Variants in CDH18 observed in about 807,000 individuals in gnomAD.
CDH18 encodes the protein cadherin 18, also known as cadherin-18.
In CDH18, 31 loss-of-function variants were observed where a neutral mutation model predicts 67.9. The ratio of observed to expected loss-of-function variants is 0.46; its 90% CI spans 0.34 to 0.62. The LOEUF (loss-of-function observed/expected upper bound fraction) is 0.62. CDH18 is among the 20% of genes least tolerant of loss of function. CDH18 has a pLI of 0.01. For missense variants in CDH18, 890 were observed against 975.5 expected, an observed-to-expected ratio of 0.91 and a Z score of 1.17; for synonymous variants, 362 against 347.2, an observed-to-expected ratio of 1.04 and a Z score of -0.48.
At chr5:20,118,628 A>C (rs1456986548) in intron 2 of CDH18, among the ~76,000 whole-genome samples, 1 of 152,170 alleles carries the variant, frequency 6.6e-6, no homozygotes, top group Non-Finnish European at 1.5e-5. Flanking sequence ...ATATTAATTA[A>C]GGCATAGTTC....
chr5:19,476,783 C>G (rs912470460), intron 12 of CDH18, among the ~76,000 whole-genome samples: 1 of 151,972 alleles, frequency 6.6e-6, no homozygotes, highest in Non-Finnish European at 1.5e-5. Context: ...TGTGCAGACA[C>G]AACAGGGAAT....
intron 2 of CDH18, among the ~76,000 whole-genome samples, chr5:19,894,469 G>A (rs1267246843): frequency 6.6e-6 from 1 of 151,704 alleles, no homozygotes; most frequent in Non-Finnish European, 1.5e-5. Flanking sequence ...AAGTCACTAG[G>A]ATTAAGTAAA....
At chr5:19,598,941 AACT>A (rs1746610759) in intron 6 of CDH18, among the ~76,000 whole-genome samples, 1 of 152,180 alleles carries the variant, frequency 6.6e-6, no homozygotes, top group Admixed American at 6.5e-5. Context: ...GGTTATTTAT[AACT>A]ATGCACTAAT....
At chr5:20,470,811 C>T (rs1387572758) in intron 1 of CDH18, among the ~76,000 whole-genome samples, 1 of 152,190 alleles carries the variant, frequency 6.6e-6, no homozygotes, top group African/African-American at 2.4e-5. Flanking sequence ...CCGGACTTAG[C>T]ACTGTATGCG....
At position 19,790,570 on chromosome 5, in the gene CDH18, A is replaced by G. The variant is rs555217088; in HGVS notation, c.229-43334T>C. On this transcript the variant is annotated intron_variant, in intron 3 of 12. Coordinates refer to ENST00000382275, the MANE Select transcript of CDH18 (RefSeq NM_004934.5). ...AGTGTCTATGAGAAGAGATAAAGAG[A>G]AAGTAGAGCTGTAAAAGCTAAAAGG... 9.3e-4 allele frequency among the ~76,000 whole-genome samples: 141 copies of G among 152,268 alleles called. 1 individual carries two copies. Among genetic ancestry groups the G allele is most frequent in the African/African-American group, 3.1e-3 (129 of 41,568 alleles).
At chr5:20,023,928 T>A (rs192649966) in intron 2 of CDH18, among the ~76,000 whole-genome samples, 205 of 152,280 alleles carry the variant, frequency 1.3e-3, no homozygotes, top group African/African-American at 4.6e-3. Context: ...AGTTTCCTGT[T>A]GGTGTACTGA....
intron 1 of CDH18, among the ~76,000 whole-genome samples, chr5:20,530,900 A>T (rs1002679630): frequency 5.9e-5 from 9 of 152,114 alleles, no homozygotes; most frequent in African/African-American, 1.2e-4. Context: ...ATCTAATTAA[A>T]CTAAAGAGCT....
intron 2 of CDH18, among the ~76,000 whole-genome samples, chr5:20,078,646 G>C (rs879487934): frequency 1.3e-5 from 2 of 151,810 alleles, no homozygotes; most frequent in African/African-American, 2.4e-5. Context: ...TGTCACCCAG[G>C]CTGGAGTGCG....
intron 3 of CDH18, among the ~76,000 whole-genome samples, chr5:19,767,966 T>C (rs1008487151): frequency 3.3e-5 from 5 of 152,158 alleles, no homozygotes; most frequent in Admixed American, 6.6e-5. Context: ...CTTTGAGTTA[T>C]GTTAATTTGC....
At chr5:20,233,607 C>T (rs931024996) in intron 2 of CDH18, among the ~76,000 whole-genome samples, 10 of 151,760 alleles carry the variant, frequency 6.6e-5, no homozygotes, top group African/African-American at 1.5e-4. Flanking sequence ...TATGTACACA[C>T]GCATGTATAT....
chr5:20,369,996 A>G lies in CDH18; in HGVS notation c.-579-114491T>C, dbSNP rs1301622819. Among the ~76,000 whole-genome samples the G allele has an allele frequency of 2.0e-5, 3 of 152,186 alleles. No homozygotes were observed. In the East Asian group the frequency reaches 5.8e-4, roughly 29 times the overall value. On this transcript the variant is annotated intron_variant, in intron 1 of 14. Coordinates refer to the CDH18 transcript ENST00000507958. The stretch of plus-strand genomic sequence containing the variant: ...CCAGGAATTAAGCCCAGCGTCAATT[A>G]GCTATTCTTCCTGATGTTGTCTAAA...
chr5:20,096,098 C>T (rs1212932435), intron 2 of CDH18, among the ~76,000 whole-genome samples: 1 of 152,000 alleles, frequency 6.6e-6, no homozygotes, highest in Non-Finnish European at 1.5e-5. Context: ...GAGATATTGA[C>T]TAAAATTCTG....
intron 2 of CDH18, among the ~76,000 whole-genome samples, chr5:19,963,788 G>A (rs560892019): frequency 2.6e-5 from 4 of 151,862 alleles, no homozygotes; most frequent in Admixed American, 6.6e-5. Flanking sequence ...AAGTTTAATC[G>A]ACTCACAGTT....
chr5:20,031,522 C>T (rs1231800119), intron 2 of CDH18, among the ~76,000 whole-genome samples: 4 of 151,966 alleles, frequency 2.6e-5, no homozygotes, highest in East Asian at 3.9e-4. Flanking sequence ...GTGAGACCTT[C>T]GATTCACCCC....
At chr5:20,429,515 G>C (rs1216208516) in intron 1 of CDH18, among the ~76,000 whole-genome samples, 1 of 152,076 alleles carries the variant, frequency 6.6e-6, no homozygotes, top group African/African-American at 2.4e-5. Flanking sequence ...AGTCAGGTCT[G>C]GACTGAATAA....
At chr5:19,978,755 C>G (rs931112394) in intron 2 of CDH18, among the ~76,000 whole-genome samples, 1 of 152,138 alleles carries the variant, frequency 6.6e-6, no homozygotes, top group Admixed American at 6.6e-5. Flanking sequence ...GTCCTTCTCA[C>G]ATGATCACTG....
At position 20,308,926 on chromosome 5, in the gene CDH18, C is replaced by T. The variant is rs150325118; in HGVS notation, c.-579-53421G>A. Among the ~76,000 whole-genome samples the T allele has an allele frequency of 4.0e-4, 61 of 152,148 alleles. 1 individual carries two copies. The highest frequency in any genetic ancestry group is 3.4e-3 in the Middle Eastern group (1 of 294). The stretch of plus-strand genomic sequence containing the variant: ...CAGTGATTACAGATACCCCTTTAAT[C>T]GTATAAGGTTTTGATTTTCGTACAT... On this transcript the variant is annotated intron_variant, in intron 1 of 14. Coordinates refer to the CDH18 transcript ENST00000507958.
chr5:20,401,718 A>G (rs1025834038), intron 1 of CDH18, among the ~76,000 whole-genome samples: 7 of 152,156 alleles, frequency 4.6e-5, no homozygotes, highest in Admixed American at 4.6e-4. Context: ...AAATCTCCAT[A>G]TTACTTTCTT....
intron 4 of CDH18, among the ~76,000 whole-genome samples, chr5:19,730,100 C>G (rs530764566): frequency 7.9e-5 from 12 of 152,092 alleles, no homozygotes; most frequent in Non-Finnish European, 1.5e-4. Context: ...TTTCAGCTGC[C>G]CCCTACCATG....
Sources: allele counts gnomAD v4.1 joint callset (sites outside exome capture counted in the v4.1 genomes callset), GRCh38; gene constraint gnomAD v4.1.1; transcripts MANE v1.5; gene names NCBI Gene and HGNC (gene_info 2026-07-23, HGNC 2026-07-21).